TSPAN14: variants seen among roughly 807,000 people sequenced by gnomAD.
TSPAN14 encodes the protein tetraspanin-14.
In TSPAN14, 16 loss-of-function variants were observed where a neutral mutation model predicts 36.6. The observed-to-expected ratio is 0.44, with a 90% CI of 0.30 to 0.66. The LOEUF is 0.66. TSPAN14 is among the 30% of genes least tolerant of loss of function. TSPAN14 has a pLI of 0.12. For synonymous variants in TSPAN14, 139 were observed against 143.8 expected, an observed-to-expected ratio of 0.97 and a Z score of 0.24; for missense variants, 231 against 355.1, an observed-to-expected ratio of 0.65 and a Z score of 2.81.
intron 1 of TSPAN14, 111 bp from the exon 2 acceptor site, chr10:80,489,106 G>T (rs988837660): frequency 7.2e-6 from 5 of 697,712 alleles, no homozygotes; most frequent in African/African-American, 5.3e-5. Context: ...GACCAGTAAA[G>T]GGTCATGAGG....
chr10:80,518,406 G>A (rs1015197915), exon 9 of TSPAN14: 3 of 202,974 alleles, frequency 1.5e-5, no homozygotes, highest in South Asian at 1.8e-4. Flanking sequence ...GGACCCACAG[G>A]CGTGGACAGG....
intron 2 of TSPAN14, among the ~76,000 whole-genome samples, chr10:80,493,954 C>T (rs1186509673): frequency 1.3e-5 from 2 of 152,224 alleles, no homozygotes; most frequent in Non-Finnish European, 2.9e-5. Flanking sequence ...CCGATAATGT[C>T]TGCAACTCCA....
chr10:80,466,761 G>A (rs935471895), intron 1 of TSPAN14, among the ~76,000 whole-genome samples: 5 of 152,210 alleles, frequency 3.3e-5, no homozygotes, highest in Admixed American at 6.5e-5. Context: ...GTCTCAAGAG[G>A]TGTGGGGAAA....
At chr10:80,461,594 A>G (rs1231018878) in intron 1 of TSPAN14, among the ~76,000 whole-genome samples, 1 of 152,108 alleles carries the variant, frequency 6.6e-6, no homozygotes. Flanking sequence ...GCATGTGCCC[A>G]GGATGGGGTG....
intron 1 of TSPAN14, among the ~76,000 whole-genome samples, chr10:80,474,496 T>G (rs1225899889): frequency 1.3e-5 from 2 of 149,672 alleles, no homozygotes; most frequent in African/African-American, 4.9e-5. Flanking sequence ...TATTGGAGCG[T>G]GAGGAGTTTA....
intron 1 of TSPAN14, among the ~76,000 whole-genome samples, chr10:80,462,577 C>T (rs1341772972): frequency 6.6e-6 from 1 of 152,184 alleles, no homozygotes; most frequent in Non-Finnish European, 1.5e-5. Flanking sequence ...TATATCAGTG[C>T]TTCTGAGTGC....
At chr10:80,499,925 C>T (rs947745275) in intron 2 of TSPAN14, among the ~76,000 whole-genome samples, 32 of 151,234 alleles carry the variant, frequency 2.1e-4, no homozygotes, top group Admixed American at 2.1e-3. Flanking sequence ...CAAAGAAGGT[C>T]ACTTGAGGCT....
chr10:80,464,057 G>A lies in TSPAN14; in HGVS notation c.-18+9686G>A, dbSNP rs545924564. Among the ~76,000 whole-genome samples the A allele has an allele frequency of 7.2e-5, 11 of 152,326 alleles. No individual in the cohort carries two copies. In the East Asian group the frequency reaches 1.9e-3, roughly 27 times the overall value. On this transcript the variant is annotated intron_variant, in intron 1 of 8. Transcript: ENST00000429989. ...AGCGAGTTGGGGTGTAGGGAGGCGGGGAGCAGGCTTCTCATAGTGGGTTCC... is the reference window on the plus strand; with the variant it reads ...AGCGAGTTGGGGTGTAGGGAGGCGGAGAGCAGGCTTCTCATAGTGGGTTCC...
At chr10:80,461,009 CG>C (rs1845937246) in intron 1 of TSPAN14, among the ~76,000 whole-genome samples, 2 of 152,148 alleles carry the variant, frequency 1.3e-5, no homozygotes, top group Admixed American at 1.3e-4. Flanking sequence ...GCCTTCTAGC[CG>C]GAGCTCCTGG....
intron 7 of TSPAN14, 65 bp downstream of exon 7, chr10:80,514,128 C>T: frequency 6.8e-7 from 1 of 1,462,520 alleles, no homozygotes; most frequent in Non-Finnish European, 9.5e-7. Context: ...GTTCAACATT[C>T]TGATTTAGCA....
chr10:80,491,292 C>T (rs1489246411), intron 2 of TSPAN14, among the ~76,000 whole-genome samples: 1 of 152,194 alleles, frequency 6.6e-6, no homozygotes, highest in Non-Finnish European at 1.5e-5. Context: ...GCTCCATCCT[C>T]ATGATGTATG....
At chr10:80,471,202 G>A (rs907361750) in intron 1 of TSPAN14, among the ~76,000 whole-genome samples, 1 of 152,060 alleles carries the variant, frequency 6.6e-6, no homozygotes, top group Non-Finnish European at 1.5e-5. Context: ...CTCATTCTCG[G>A]TGTCTTACAT....
At chr10:80,461,635 G>A (rs1311736517) in intron 1 of TSPAN14, among the ~76,000 whole-genome samples, 1 of 151,934 alleles carries the variant, frequency 6.6e-6, no homozygotes, top group African/African-American at 2.4e-5. Flanking sequence ...GGGCTCCTCT[G>A]GTGTAGGGTA....
chr10:80,470,000 C>T (rs935779350), intron 1 of TSPAN14, among the ~76,000 whole-genome samples: 3 of 152,288 alleles, frequency 2.0e-5, no homozygotes, highest in Admixed American at 2.0e-4. Context: ...TACTTCCTCC[C>T]ATATACTTTA....
At chr10:80,472,518 A>G (rs1846610872) in intron 1 of TSPAN14, among the ~76,000 whole-genome samples, 1 of 152,184 alleles carries the variant, frequency 6.6e-6, no homozygotes, top group Non-Finnish European at 1.5e-5. Flanking sequence ...AGATTATGCA[A>G]ATACAGTATG....
chr10:80,465,831 C>T (rs938669349), intron 1 of TSPAN14, among the ~76,000 whole-genome samples: 4 of 152,184 alleles, frequency 2.6e-5, no homozygotes, highest in African/African-American at 9.7e-5. Flanking sequence ...GAGGACCTTT[C>T]TCTAACTGAG....
intron 2 of TSPAN14, among the ~76,000 whole-genome samples, chr10:80,497,792 C>T (rs1418358599): frequency 1.3e-5 from 2 of 152,206 alleles, no homozygotes; most frequent in Non-Finnish European, 2.9e-5. Context: ...CCCTGGAGCC[C>T]TCTGCACAGT....
Position 80,516,296 on chromosome 10 carries a change from C to T in TSPAN14, c.714C>T (p.Gly238=), listed in dbSNP as rs756327098. The stretch of plus-strand genomic sequence containing the variant: ...CGCGGAACATTTACATTGTGGCTGG[C>T]GTCTTCATCGCCATCTCGCTGTTGC... The change falls in exon 8 of 9, where the codon GGC becomes GGT. Residue 238 remains glycine (G), a synonymous_variant. Transcript: ENST00000429989. 2.9e-5 allele frequency: 46 copies of T among 1,611,670 alleles called. No individual in the cohort carries two copies. The African/African-American group carries it at 3.6e-4, about 13-fold the overall frequency.
chr10:80,456,686 T>A (rs1845747749), intron 1 of TSPAN14, among the ~76,000 whole-genome samples: 6 of 152,256 alleles, frequency 3.9e-5, no homozygotes, highest in Admixed American at 3.9e-4. Context: ...AAGGACAAGA[T>A]TATTTCATAG....
Sources: allele counts gnomAD v4.1 joint callset (sites outside exome capture counted in the v4.1 genomes callset), GRCh38; gene constraint gnomAD v4.1.1; transcripts MANE v1.5; gene names NCBI Gene and HGNC (gene_info 2026-07-23, HGNC 2026-07-21).